Variants in MAN1A1 observed in about 807,000 individuals in gnomAD.
MAN1A1 encodes the protein mannosidase alpha class 1A member 1, also known as mannosyl-oligosaccharide 1,2-alpha-mannosidase IA.
A neutral mutation model predicts 70.8 loss-of-function variants in MAN1A1; 29 were observed. The ratio of observed to expected loss-of-function variants is 0.41; its 90% CI spans 0.31 to 0.56. The LOEUF (loss-of-function observed/expected upper bound fraction) is 0.56, where lower values mean the gene tolerates loss of function less well. MAN1A1 is among the 20% of genes least tolerant of loss of function. The pLI is 0.29. For missense variants in MAN1A1, 747 were observed against 841.3 expected, an observed-to-expected ratio of 0.89 and a Z score of 1.39; for synonymous variants, 349 against 330.1, an observed-to-expected ratio of 1.06 and a Z score of -0.62.
intron 5 of MAN1A1, among the ~76,000 whole-genome samples, chr6:119,279,462 T>C (rs933132159): frequency 4.6e-5 from 7 of 152,246 alleles, no homozygotes; most frequent in African/African-American, 1.4e-4. Context: ...AAAAGCATCA[T>C]ACGTTTATAA....
chr6:119,255,366 C>A, intron 5 of MAN1A1, among the ~76,000 whole-genome samples: 1 of 152,200 alleles, frequency 6.6e-6, no homozygotes, highest in East Asian at 1.9e-4. Flanking sequence ...AAGCTTTCAG[C>A]ACAAGATGCC....
chr6:119,232,264 T>A lies in MAN1A1; in HGVS notation c.992+15996A>T, dbSNP rs1035708196. On this transcript the variant is annotated intron_variant, in intron 6 of 12. Transcript: ENST00000368468. ...GGTGGGCACCTGTAGTCCCAGCTAC[T>A]CGGGAGGCTGAGGCAAGAGAATGGA... 2.7e-5 allele frequency among the ~76,000 whole-genome samples: 4 copies of A among 150,024 alleles called. No homozygotes were observed. In the Admixed American group the frequency reaches 2.7e-4, roughly 10 times the overall value.
chr6:119,298,566 C>G (rs930971512), intron 4 of MAN1A1, among the ~76,000 whole-genome samples: 1 of 151,398 alleles, frequency 6.6e-6, no homozygotes, highest in African/African-American at 2.4e-5. Flanking sequence ...TTTTTATTTT[C>G]CCTTTGCAAT....
chr6:119,243,673 G>C (rs979878983), intron 6 of MAN1A1, among the ~76,000 whole-genome samples: 2 of 152,056 alleles, frequency 1.3e-5, no homozygotes, highest in Non-Finnish European at 2.9e-5. Context: ...CCCTATTTCA[G>C]TCAAAGTAGA....
chr6:119,219,627 C>CA (rs66760342), intron 6 of MAN1A1, among the ~76,000 whole-genome samples: 5 of 145,482 alleles, frequency 3.4e-5, no homozygotes, highest in African/African-American at 1.3e-4. Context: ...GACATCTACT[C>CA]AAAAAAAAAA....
chr6:119,180,996 A>AT (rs1200712966), intron 11 of MAN1A1, among the ~76,000 whole-genome samples: 1 of 152,156 alleles, frequency 6.6e-6, no homozygotes, highest in African/African-American at 2.4e-5. Context: ...TTTTTCACTG[A>AT]TTTTTACCAA....
At chr6:119,291,103 T>G (rs1242512399) in intron 4 of MAN1A1, among the ~76,000 whole-genome samples, 1 of 152,040 alleles carries the variant, frequency 6.6e-6, no homozygotes, top group African/African-American at 2.4e-5. Context: ...ACACATGTTG[T>G]GGGATGGACC....
At chr6:119,200,542 G>A (rs1046511564) in intron 8 of MAN1A1, among the ~76,000 whole-genome samples, 2 of 152,138 alleles carry the variant, frequency 1.3e-5, no homozygotes, top group Admixed American at 6.5e-5. Context: ...GTGTACTCTT[G>A]CTACAGTTGG....
At chr6:119,223,308 A>G (rs576595554) in intron 6 of MAN1A1, among the ~76,000 whole-genome samples, 1 of 152,272 alleles carries the variant, frequency 6.6e-6, no homozygotes, top group South Asian at 2.1e-4. Context: ...GCAGTTTATA[A>G]AACAATCAGG....
In MAN1A1 at chr6:119,317,081, G is replaced by C. The variant is rs1006247674; in HGVS notation, c.604-10089C>G. Among the ~76,000 whole-genome samples the C allele has an allele frequency of 1.2e-4, 18 of 151,792 alleles. No homozygotes were observed. The East Asian group carries it at 2.9e-3, about 25-fold the overall frequency. On this transcript the variant is annotated intron_variant, in intron 2 of 12. Coordinates refer to ENST00000368468, the MANE Select transcript of MAN1A1 (RefSeq NM_005907.4). The stretch of plus-strand genomic sequence containing the variant: ...TTGTGTGTGTATGTTTTCTAAAACA[G>C]ACTTTTTTTTAAACAGAAGTTTTAG...
At chr6:119,316,341 T>C (rs903620534) in intron 2 of MAN1A1, among the ~76,000 whole-genome samples, 2 of 152,166 alleles carry the variant, frequency 1.3e-5, no homozygotes, top group African/African-American at 2.4e-5. Context: ...AATTTTTGTA[T>C]TTTTAGTAGA....
intron 5 of MAN1A1, among the ~76,000 whole-genome samples, chr6:119,279,550 C>G (rs1481574441): frequency 2.6e-5 from 4 of 152,212 alleles, no homozygotes; most frequent in African/African-American, 9.6e-5. Context: ...GTACTCAACC[C>G]TTTAGAATGA....
At chr6:119,238,819 C>T (rs1774924708) in intron 6 of MAN1A1, among the ~76,000 whole-genome samples, 2 of 152,134 alleles carry the variant, frequency 1.3e-5, no homozygotes, top group Non-Finnish European at 2.9e-5. Context: ...GTTAAACTCC[C>T]ACTCACATTT....
chr6:119,309,338 A>T (rs1044779243), intron 2 of MAN1A1, among the ~76,000 whole-genome samples: 1 of 152,224 alleles, frequency 6.6e-6, no homozygotes, highest in Non-Finnish European at 1.5e-5. Flanking sequence ...CAGATTTACG[A>T]CTTACACAAA....
At chr6:119,271,560 C>T (rs1013119122) in intron 5 of MAN1A1, among the ~76,000 whole-genome samples, 11 of 151,844 alleles carry the variant, frequency 7.2e-5, no homozygotes, top group South Asian at 2.1e-4. Flanking sequence ...AGTGCAGTGG[C>T]GTGATCTCAG....
intron 9 of MAN1A1, among the ~76,000 whole-genome samples, chr6:119,192,529 T>C (rs1479448402): frequency 1.3e-5 from 2 of 152,174 alleles, no homozygotes; most frequent in Non-Finnish European, 2.9e-5. Flanking sequence ...AATAAAAAAG[T>C]ACGCCTATGT....
intron 6 of MAN1A1, among the ~76,000 whole-genome samples, chr6:119,215,960 GA>G (rs1774188974): frequency 6.6e-6 from 1 of 152,206 alleles, no homozygotes; most frequent in Non-Finnish European, 1.5e-5. Flanking sequence ...GGTGAGACCA[GA>G]AACGATCGAA....
chr6:119,348,674 G>A lies in MAN1A1; in HGVS notation c.392C>T (p.Ala131Val), dbSNP rs183842104. 2 of 1,612,092 alleles carry A rather than the reference G, an allele frequency of 1.2e-6. No individual in the cohort carries two copies. Among genetic ancestry groups the A allele is most frequent in the East Asian group, 4.5e-5 (2 of 44,592 alleles). ...CAGGGTCTCCTTGGCTTCCCTGAGA[G>A]CCCGCTCGTGGTTTTCGCGGATCCT... is the stretch of plus-strand genomic sequence containing the variant. ...LARIRENHER[A>V]LREAKETLQK... The change falls in exon 2 of 13, where the codon GCT (alanine) becomes GTT (valine). Residue 131 changes from alanine (A) to valine (V), a missense_variant. By Grantham distance (64) the Ala-to-Val change is moderately conservative (BLOSUM62 0). Around this residue, in one of 2 missense-constraint regions of MAN1A1, gnomAD observed 328 missense variants for 293.1 expected, o/e 1.12. Transcript: ENST00000368468.
chr6:119,284,832 G>T (rs1478376030), intron 5 of MAN1A1, among the ~76,000 whole-genome samples: 1 of 151,970 alleles, frequency 6.6e-6, no homozygotes, highest in Middle Eastern at 3.2e-3. Context: ...GAGGTATGAT[G>T]TACATATTTT....
Sources: allele counts gnomAD v4.1 joint callset (sites outside exome capture counted in the v4.1 genomes callset), GRCh38; gene constraint gnomAD v4.1.1; regional missense constraint gnomAD v4.1.1; transcripts MANE v1.5; gene names NCBI Gene and HGNC (gene_info 2026-07-23, HGNC 2026-07-21).